Variants in ARMC2 observed in about 807,000 individuals in gnomAD.
The protein encoded by ARMC2 is armadillo repeat-containing protein 2.
In ARMC2, 67 loss-of-function variants were observed where a neutral mutation model predicts 90.3. The observed-to-expected ratio is 0.74, with a 90% CI of 0.61 to 0.91. ARMC2 has a LOEUF of 0.91. ARMC2 is among the 40% of genes least tolerant of loss of function. ARMC2 has a pLI of 0.00. For missense variants in ARMC2, 920 were observed against 1,030.9 expected (o/e 0.89, Z 1.47); for synonymous variants, 393 against 393.0 (o/e 1.00, Z 0.00).
intron 4 of ARMC2, among the ~76,000 whole-genome samples, chr6:108,874,103 T>C (rs1776702299): frequency 6.6e-6 from 1 of 152,224 alleles, no homozygotes; most frequent in African/African-American, 2.4e-5. Context: ...TATAATGTGC[T>C]GCAACTGTCT....
chr6:109,001,589 T>A, the ARMC2 span: 2 of 1,042,910 alleles, frequency 1.9e-6, no homozygotes, highest in Non-Finnish European at 2.8e-6. Context: ...AGAAGCAGAT[T>A]AAATCTGGCT....
chr6:108,965,752 C>T lies in ARMC2; in HGVS notation c.2446+612C>T, dbSNP rs190038561. On this transcript the variant is annotated intron_variant, in intron 17 of 17. Coordinates refer to ENST00000392644, the MANE Select transcript of ARMC2 (RefSeq NM_032131.6). The stretch of plus-strand genomic sequence containing the variant: ...TCTAAACTCCTGGGCTCAAGTGATC[C>T]TCCTGCCTCTGTCTCTCAAGTAGCT... Among the ~76,000 whole-genome samples, 649 of 152,102 alleles carry T rather than the reference C, an allele frequency of 4.3e-3. 5 individuals are homozygous for T. Among genetic ancestry groups the T allele is most frequent in the African/African-American group, 0.014 (601 of 41,488 alleles).
At chr6:108,989,516 T>TATCTATATATATAG in the ARMC2 span, among the ~76,000 whole-genome samples, 2 of 148,348 alleles carry the variant, frequency 1.3e-5, no homozygotes, top group African/African-American at 5.0e-5. Context: ...TATATATATA[T>TATCTATATATATAG]AGAGAGATAT....
the ARMC2 span, among the ~76,000 whole-genome samples, chr6:109,050,460 T>G: frequency 0.13 from 20,414 of 151,630 alleles, 1,910 homozygotes; most frequent in Non-Finnish European, 0.21. Flanking sequence ...GGAGACAGTA[T>G]GGCAAGTCTT....
rs920081540 is a variant in ARMC2 at position 108,936,535 on chromosome 6, C to A, written c.1497-365C>A. ...CCTCCCAAAGTGCTGGGATTACAGGCGTGAGGCACCACGCCTGGCCTATTA... is the reference window on the plus strand; with the variant it reads ...CCTCCCAAAGTGCTGGGATTACAGGAGTGAGGCACCACGCCTGGCCTATTA... On this transcript the variant is annotated intron_variant, in intron 11 of 17. Transcript: ENST00000392644. 1.8e-4 allele frequency among the ~76,000 whole-genome samples: 28 copies of A among 152,200 alleles called. 1 individual carries two copies. Among genetic ancestry groups the A allele is most frequent in the African/African-American group, 6.5e-4 (27 of 41,448 alleles).
intron 5 of ARMC2, among the ~76,000 whole-genome samples, chr6:108,889,064 T>C (rs1279976559): frequency 6.6e-6 from 1 of 152,238 alleles, no homozygotes; most frequent in Non-Finnish European, 1.5e-5. Context: ...AGTATCAGTC[T>C]GCTTATGCCT....
chr6:109,023,469 TATAA>T, the ARMC2 span, among the ~76,000 whole-genome samples: 1 of 152,372 alleles, frequency 6.6e-6, no homozygotes, highest in South Asian at 2.1e-4. Context: ...TTGATACTTT[TATAA>T]ATAATGTTAG....
chr6:108,861,638 G>A (rs1775254111), intron 3 of ARMC2, among the ~76,000 whole-genome samples: 1 of 152,176 alleles, frequency 6.6e-6, no homozygotes, highest in South Asian at 2.1e-4. Flanking sequence ...AACCAATATT[G>A]CAAGAAATAA....
chr6:108,953,459 C>T, intron 13 of ARMC2, 108 bp downstream of exon 13: 1 of 1,164,996 alleles, frequency 8.6e-7, no homozygotes, highest in Non-Finnish European at 1.2e-6. Context: ...ACAAGTGGCT[C>T]CCTATGAGAA....
the ARMC2 span, chr6:108,992,863 C>T: frequency 1.2e-5 from 20 of 1,613,068 alleles, no homozygotes; most frequent in Middle Eastern, 1.6e-4. Flanking sequence ...CTCAAAATGA[C>T]GAGATACAGC....
chr6:108,988,458 A>G, the ARMC2 span: 2 of 1,218,164 alleles, frequency 1.6e-6, no homozygotes, highest in Non-Finnish European at 2.2e-6. Context: ...GGTGATGGAA[A>G]GGGTTTCAGC....
the ARMC2 span, among the ~76,000 whole-genome samples, chr6:108,993,581 T>TTTA: frequency 6.6e-6 from 1 of 152,196 alleles, no homozygotes; most frequent in African/African-American, 2.4e-5. Context: ...CACTCTATTA[T>TTTA]ATTGTCAAAA....
Position 108,961,647 on chromosome 6 carries a change from A to T in ARMC2, c.1991A>T (p.Gln664Leu). 6.2e-7 allele frequency: 1 copy of T among 1,611,846 alleles called. No individual in the cohort carries two copies. Among genetic ancestry groups the T allele is most frequent in the Non-Finnish European group, 8.5e-7 (1 of 1,179,102 alleles). ...ACAATCAACAATTTATCTTACTACC[A>T]AGTGAAGAATTCCATAATTCAAGAC... ...TATINNLSYY[Q>L]VKNSIIQDKK... The change falls in exon 14 of 18, where the codon CAA (glutamine) becomes CTA (leucine). Residue 664 changes from glutamine (Q) to leucine (L), a missense_variant. Physicochemically the swap from Gln to Leu is moderately radical, Grantham distance 113. Transcript: ENST00000392644.
chr6:109,000,526 G>T, the ARMC2 span: 8 of 1,606,978 alleles, frequency 5.0e-6, no homozygotes, highest in African/African-American at 9.4e-5. Flanking sequence ...CAAGGTCTAT[G>T]GGCTAACACT....
chr6:108,854,233 G>A lies in ARMC2; in HGVS notation c.-35G>A. On this transcript the variant is annotated 5_prime_UTR_variant, in exon 2 of 18. Coordinates refer to ENST00000392644, the MANE Select transcript of ARMC2 (RefSeq NM_032131.6). ...GTACCATGTATTTGCAGGGTGTGGT[G>A]TCTATCTGAAGAATATTTTACTTTC... is the stretch of plus-strand genomic sequence containing the variant. The A allele has an allele frequency of 1.3e-6, 2 of 1,498,840 alleles. No homozygotes were observed. Among genetic ancestry groups the A allele is most frequent in the Non-Finnish European group, 1.8e-6 (2 of 1,097,888 alleles). 92.8% of individuals were successfully genotyped at this position (1,498,840 alleles called of 1,614,324 possible).
chr6:108,994,636 C>T, the ARMC2 span: 1 of 1,544,922 alleles, frequency 6.5e-7, no homozygotes. Context: ...ATTAATGTTA[C>T]ATGTGGCAGA....
chr6:109,000,503 T>C, the ARMC2 span: 1 of 1,581,848 alleles, frequency 6.3e-7, no homozygotes, highest in Non-Finnish European at 8.6e-7. Context: ...CAATGTGTTC[T>C]TTGGTAATAA....
intron 10 of ARMC2, among the ~76,000 whole-genome samples, chr6:108,925,986 A>G (rs1243560736): frequency 6.6e-6 from 1 of 152,166 alleles, no homozygotes; most frequent in Non-Finnish European, 1.5e-5. Context: ...ACTTTTGCTA[A>G]TGAGGTGAGA....
intron 10 of ARMC2, among the ~76,000 whole-genome samples, chr6:108,921,118 T>G (rs1774520009): frequency 6.6e-6 from 1 of 152,238 alleles, no homozygotes; most frequent in African/African-American, 2.4e-5. Flanking sequence ...TGCTTGGTAG[T>G]TCTTAATGCA....
Sources: gnomAD v4.1 joint callset for allele counts (sites outside exome capture counted in the v4.1 genomes callset) on GRCh38, gnomAD v4.1.1 for gene constraint, MANE v1.5 for transcripts, NCBI Gene and HGNC (gene_info 2026-07-23, HGNC 2026-07-21) for gene names.